The following MTSS1 variants were observed in gnomAD, a reference collection of about 807,000 sequenced individuals.
The protein encoded by MTSS1 is MTSS I-BAR domain containing 1.
MTSS1 carries 18 observed loss-of-function variants against 79.0 expected under a neutral mutation model. The ratio of observed to expected loss-of-function variants is 0.23; its 90% confidence interval spans 0.16 to 0.34. The LOEUF (loss-of-function observed/expected upper bound fraction) is 0.34. Ranked by LOEUF, MTSS1 falls within the 10% of genes least tolerant of loss-of-function variation. MTSS1 has a pLI of 1.00. For synonymous variants in MTSS1, 341 were observed against 368.6 expected, an observed-to-expected ratio of 0.93 and a Z score of 0.86; for missense variants, 815 against 986.2, an observed-to-expected ratio of 0.83 and a Z score of 2.33.
chr8:124,652,794 CAA>C (rs773654376), intron 3 of MTSS1, among the ~76,000 whole-genome samples: 7 of 74,484 alleles, frequency 9.4e-5, no homozygotes, highest in Admixed American at 4.4e-4. Context: ...GACTCCGTCT[CAA>C]AAAAAAAAAA....
chr8:124,595,295 G>C (rs1206482738), intron 3 of MTSS1, among the ~76,000 whole-genome samples: 1 of 152,174 alleles, frequency 6.6e-6, no homozygotes, highest in Non-Finnish European at 1.5e-5. Flanking sequence ...GAGCTTAGTG[G>C]CTTAAAACAA....
intron 3 of MTSS1, among the ~76,000 whole-genome samples, chr8:124,622,321 G>C (rs112519807): frequency 6.6e-6 from 1 of 151,876 alleles, no homozygotes; most frequent in African/African-American, 2.4e-5. Context: ...GGGTGGGGGA[G>C]GTGAAGGAGG....
rs148535324 is a variant in MTSS1 at position 124,591,635 on chromosome 8, G to A, written c.209-400C>T. Among the ~76,000 whole-genome samples, 25 of 152,334 alleles carry A rather than the reference G, an allele frequency of 1.6e-4. No individual in the cohort carries two copies. The East Asian group carries it at 4.2e-3, about 26-fold the overall frequency. On this transcript the variant is annotated intron_variant, in intron 3 of 13. Coordinates refer to ENST00000518547, the MANE Select transcript of MTSS1 (RefSeq NM_014751.6). ...AGTATCTGCTGTTTAGGGAAGAGCTGTAGCTTTTCTCAACAATTCTGACAA... is the reference window on the plus strand; with the variant it reads ...AGTATCTGCTGTTTAGGGAAGAGCTATAGCTTTTCTCAACAATTCTGACAA...
At chr8:124,702,253 C>T (rs1166086951) in intron 2 of MTSS1, among the ~76,000 whole-genome samples, 1 of 152,060 alleles carries the variant, frequency 6.6e-6, no homozygotes, top group Non-Finnish European at 1.5e-5. Context: ...AGGAGACCTC[C>T]CACAGGATAA....
intron 3 of MTSS1, among the ~76,000 whole-genome samples, chr8:124,686,187 C>A (rs1353854418): frequency 6.6e-6 from 1 of 152,224 alleles, no homozygotes; most frequent in Non-Finnish European, 1.5e-5. Flanking sequence ...CAGCTGTGAG[C>A]AGGCAGAGGG....
At chr8:124,557,419 C>G (rs2131814268) in intron 11 of MTSS1, among the ~76,000 whole-genome samples, 1 of 152,358 alleles carries the variant, frequency 6.6e-6, no homozygotes, top group East Asian at 1.9e-4. Context: ...GCACACTGCA[C>G]TGCCGTCCAT....
chr8:124,636,155 A>G (rs1816947466), intron 3 of MTSS1, among the ~76,000 whole-genome samples: 1 of 152,022 alleles, frequency 6.6e-6, no homozygotes, highest in Admixed American at 6.6e-5. Flanking sequence ...TTTGAGATGG[A>G]GTCTCCCTCT....
In MTSS1 at chr8:124,727,972, GGGCGAGGGCACACA is replaced by G. The variant is rs1291050288; in HGVS notation, c.-31_-18del. 1 of 1,607,486 alleles carries G rather than the reference GGGCGAGGGCACACA, an allele frequency of 6.2e-7. No homozygotes were observed. The highest frequency in any genetic ancestry group is 1.7e-5 in the Admixed American group (1 of 59,310). ...AGCCTCCATTTTCCCGGCTCCGGCA[GGGCGAGGGCACACA>G]CGCGGGGCCGCTGGACTGCGCGCGG... On this transcript the variant is annotated 5_prime_UTR_variant, in exon 1 of 14. Transcript: ENST00000518547. The surrounding 1 kb of genome is among the most constrained non-coding windows in gnomAD (Gnocchi z 4.7).
chr8:124,578,916 AT>A lies in MTSS1; in HGVS notation c.460+6170del, dbSNP rs930939501. On this transcript the variant is annotated intron_variant, in intron 6 of 13. Coordinates refer to ENST00000518547, the MANE Select transcript of MTSS1 (RefSeq NM_014751.6). Reference sequence around the variant, plus strand: ...AACTGTTAAAAATAATTAAAGAATTATTTTTTTCTCTCTGTATAAATATTTT... The same window carrying A: ...AACTGTTAAAAATAATTAAAGAATTATTTTTTCTCTCTGTATAAATATTTT... Among the ~76,000 whole-genome samples, 8 of 152,042 alleles carry A rather than the reference AT, an allele frequency of 5.3e-5. 1 individual carries two copies. Among genetic ancestry groups the A allele is most frequent in the South Asian group, 4.1e-4 (2 of 4,830 alleles).
chr8:124,557,083 C>A (rs1824002759), intron 11 of MTSS1, among the ~76,000 whole-genome samples: 1 of 152,226 alleles, frequency 6.6e-6, no homozygotes, highest in Non-Finnish European at 1.5e-5. Context: ...ATTGATCGGA[C>A]TTGCTAGGGG....
At chr8:124,585,794 G>A (rs939842016) in intron 5 of MTSS1, among the ~76,000 whole-genome samples, 4 of 151,746 alleles carry the variant, frequency 2.6e-5, no homozygotes, top group Non-Finnish European at 5.9e-5. Flanking sequence ...TACTTTCCCC[G>A]GGCCCAAATC....
At chr8:124,662,013 T>G (rs964697708) in intron 3 of MTSS1, among the ~76,000 whole-genome samples, 1 of 152,106 alleles carries the variant, frequency 6.6e-6, no homozygotes, top group African/African-American at 2.4e-5. Flanking sequence ...TCTTTTTAGA[T>G]TAAAGAGAAA....
chr8:124,558,755 G>A, intron 10 of MTSS1: 2 of 1,584,060 alleles, frequency 1.3e-6, no homozygotes, highest in Non-Finnish European at 1.7e-6. Flanking sequence ...AGCCCGAGCT[G>A]ACAGAGGTGG....
At chr8:124,693,118 TGAA>T (rs1828230432) in intron 3 of MTSS1, among the ~76,000 whole-genome samples, 1 of 151,254 alleles carries the variant, frequency 6.6e-6, no homozygotes, top group Non-Finnish European at 1.5e-5. Flanking sequence ...ACAAACAGGG[TGAA>T]GAAGGGGAGG....
chr8:124,641,809 T>A (rs976836091), intron 3 of MTSS1, among the ~76,000 whole-genome samples: 4 of 151,870 alleles, frequency 2.6e-5, no homozygotes, highest in African/African-American at 9.7e-5. Flanking sequence ...GAGACCAGAG[T>A]AGGAATAAAA....
rs375921579 is a variant in MTSS1 at position 124,556,447 on chromosome 8, C to T, written c.1231-42G>A. ...CGGTCAGGAGCCAGGGCCTCTGCCT[C>T]CACTGGAGGGCTGCGGGGACCCCAT... On this transcript the variant is annotated intron_variant, in intron 11 of 13. Transcript: ENST00000518547. 44 of 1,565,306 alleles carry T rather than the reference C, an allele frequency of 2.8e-5. No individual in the cohort carries two copies. The African/African-American group carries it at 4.3e-4, about 15-fold the overall frequency.
chr8:124,575,126 G>A (rs1828720702), intron 6 of MTSS1, among the ~76,000 whole-genome samples: 1 of 152,048 alleles, frequency 6.6e-6, no homozygotes, highest in Non-Finnish European at 1.5e-5. Flanking sequence ...ATTAGAATTT[G>A]GAATGAAAAA....
At chr8:124,645,901 G>A (rs1270445548) in intron 3 of MTSS1, among the ~76,000 whole-genome samples, 1 of 152,126 alleles carries the variant, frequency 6.6e-6, no homozygotes, top group Non-Finnish European at 1.5e-5. Flanking sequence ...TCTCTCACCC[G>A]ATTTCAAAGA....
chr8:124,688,330 G>A (rs913688772), intron 3 of MTSS1, among the ~76,000 whole-genome samples: 17 of 90,142 alleles, frequency 1.9e-4, no homozygotes, highest in Admixed American at 5.8e-4. Flanking sequence ...ACATGTGTAC[G>A]TCTGTGTGTA....
Sources: allele counts gnomAD v4.1 joint callset (sites outside exome capture counted in the v4.1 genomes callset), GRCh38; gene constraint gnomAD v4.1.1; non-coding constraint Gnocchi (gnomAD v3.1); transcripts MANE v1.5; gene names NCBI Gene and HGNC (gene_info 2026-07-23, HGNC 2026-07-21).